The following CLASP1 variants were observed in gnomAD, a reference collection of about 807,000 sequenced individuals.
The protein encoded by CLASP1 is CLIP-associating protein 1.
Under a neutral mutation model 192.3 loss-of-function variants are expected in CLASP1, and 38 were observed. That is an observed-to-expected ratio of 0.20 (90% CI 0.15 to 0.26). CLASP1 has a LOEUF of 0.26. Among genes scored for constraint, CLASP1 ranks in the 10% least tolerant of loss-of-function variants. The pLI is 1.00. For synonymous variants in CLASP1, 691 were observed against 712.8 expected (o/e 0.97, Z 0.49); for missense variants, 1,433 against 1,932.5 (o/e 0.74, Z 4.85).
intron 6 of CLASP1, among the ~76,000 whole-genome samples, chr2:121,518,746 G>A (rs556989113): frequency 2.0e-5 from 3 of 151,848 alleles, no homozygotes; most frequent in African/African-American, 7.3e-5. Context: ...GCATGGCGGC[G>A]AGCGCCTGTT....
chr2:121,404,031 CATG>C (rs1031013148), intron 26 of CLASP1, among the ~76,000 whole-genome samples: 1 of 152,118 alleles, frequency 6.6e-6, no homozygotes, highest in Non-Finnish European at 1.5e-5. Context: ...TTAAAAAATG[CATG>C]ATATTATAAT....
chr2:121,637,189 C>T (rs998080678), intron 1 of CLASP1, among the ~76,000 whole-genome samples: 2 of 152,002 alleles, frequency 1.3e-5, no homozygotes, highest in Admixed American at 6.6e-5. Flanking sequence ...TTATTAAGTG[C>T]CTCATATATC....
intron 37 of CLASP1, among the ~76,000 whole-genome samples, chr2:121,356,472 G>T (rs140533188): frequency 6.6e-6 from 1 of 152,314 alleles, no homozygotes; most frequent in East Asian, 1.9e-4. Context: ...AAAAGTTCCA[G>T]GCTATAAGTC....
intron 20 of CLASP1, among the ~76,000 whole-genome samples, chr2:121,429,093 GCTTT>G (rs1464273034): frequency 6.6e-6 from 1 of 152,170 alleles, no homozygotes; most frequent in African/African-American, 2.4e-5. Context: ...CTGATCTTCT[GCTTT>G]CTTTGCAGAA....
At chr2:121,353,876 G>C (rs779030211) in intron 37 of CLASP1, among the ~76,000 whole-genome samples, 109 of 152,204 alleles carry the variant, frequency 7.2e-4, no homozygotes, top group Middle Eastern at 3.4e-3. Context: ...CTGCAGCCTC[G>C]ATCTCCTGGG....
intron 2 of CLASP1, among the ~76,000 whole-genome samples, chr2:121,536,051 G>A (rs1469784449): frequency 6.6e-6 from 1 of 151,788 alleles, no homozygotes; most frequent in African/African-American, 2.4e-5. Flanking sequence ...GTGTAAAATG[G>A]TAGAGTTGTT....
chr2:121,415,544 T>A (rs771866899), intron 23 of CLASP1, among the ~76,000 whole-genome samples: 1 of 152,186 alleles, frequency 6.6e-6, no homozygotes, highest in Non-Finnish European at 1.5e-5. Flanking sequence ...AGAAAACAAC[T>A]TTTAGAAATA....
At chr2:121,412,503 T>C (rs2077884109) in intron 23 of CLASP1, among the ~76,000 whole-genome samples, 1 of 151,682 alleles carries the variant, frequency 6.6e-6, no homozygotes, top group Admixed American at 6.6e-5. Context: ...GGGTAGATAG[T>C]AGGAGACTTA....
intron 8 of CLASP1, among the ~76,000 whole-genome samples, chr2:121,478,792 A>ACACC: frequency 4.3e-5 from 1 of 23,442 alleles, no homozygotes; most frequent in Non-Finnish European, 8.4e-5. Flanking sequence ...CCCCACACAC[A>ACACC]CCACACACCA....
intron 1 of CLASP1, among the ~76,000 whole-genome samples, chr2:121,625,426 C>CTTTT (rs1559804182): frequency 7.8e-6 from 1 of 128,280 alleles, no homozygotes; most frequent in Non-Finnish European, 1.6e-5. Context: ...TTCTTTCTTT[C>CTTTT]ATTTTTTTTT....
intron 23 of CLASP1, among the ~76,000 whole-genome samples, chr2:121,412,816 C>G (rs2077937502): frequency 6.6e-6 from 1 of 152,148 alleles, no homozygotes; most frequent in South Asian, 2.1e-4. Context: ...CTAAGCAAAA[C>G]TATAAGCTTT....
At chr2:121,507,110 T>C (rs1005495610) in intron 7 of CLASP1, among the ~76,000 whole-genome samples, 1 of 152,222 alleles carries the variant, frequency 6.6e-6, no homozygotes, top group African/African-American at 2.4e-5. Context: ...AGGACACCTA[T>C]ACATTGCCTT....
chr2:121,521,132 G>A (rs1387502937), intron 6 of CLASP1, among the ~76,000 whole-genome samples: 2 of 151,832 alleles, frequency 1.3e-5, no homozygotes, highest in Non-Finnish European at 1.5e-5. Context: ...TTATGTTTTT[G>A]AAGAAAAAAA....
At chr2:121,453,704 T>C (rs547374837) in intron 14 of CLASP1, among the ~76,000 whole-genome samples, 1 of 152,218 alleles carries the variant, frequency 6.6e-6, no homozygotes, top group South Asian at 2.1e-4. Context: ...TTTTAACCCA[T>C]CTATGAAGCT....
intron 8 of CLASP1, among the ~76,000 whole-genome samples, chr2:121,486,604 G>A (rs2092992686): frequency 6.6e-6 from 1 of 152,150 alleles, no homozygotes; most frequent in South Asian, 2.1e-4. Flanking sequence ...TATCACTGTA[G>A]CAATCCTGAC....
chr2:121,401,748 T>C, intron 27 of CLASP1, 76 bp from the exon 29 acceptor site: 1 of 1,236,222 alleles, frequency 8.1e-7, no homozygotes, highest in South Asian at 1.2e-5. Flanking sequence ...ACATTAAAAA[T>C]GCCCATACGT....
exon 40 of CLASP1, chr2:121,339,331 C>T (rs893861555): frequency 6.6e-6 from 1 of 152,240 alleles, no homozygotes; most frequent in African/African-American, 2.4e-5. Context: ...TGCTCTGGCA[C>T]CCAGCCTCTG....
At chr2:121,594,249 G>A (rs1398929317) in intron 2 of CLASP1, among the ~76,000 whole-genome samples, 5 of 150,046 alleles carry the variant, frequency 3.3e-5, no homozygotes, top group South Asian at 2.1e-4. Flanking sequence ...TCAGTGAGCC[G>A]AGATCGCACC....
chr2:121,583,062 A>C (rs2061378011), intron 2 of CLASP1, among the ~76,000 whole-genome samples: 1 of 152,176 alleles, frequency 6.6e-6, no homozygotes, highest in Non-Finnish European at 1.5e-5. Flanking sequence ...CTAGCATTAC[A>C]GGCATGAACC....
Sources: allele counts gnomAD v4.1 joint callset (sites outside exome capture counted in the v4.1 genomes callset), GRCh38; gene constraint gnomAD v4.1.1; transcripts MANE v1.5; gene names NCBI Gene and HGNC (gene_info 2026-07-23, HGNC 2026-07-21).